Variants in SGCZ observed in about 807,000 individuals in gnomAD.
The protein encoded by SGCZ is zeta-sarcoglycan.
Under a neutral mutation model 41.3 loss-of-function variants are expected in SGCZ, and 40 were observed. The ratio of observed to expected loss-of-function variants is 0.97; its 90% CI spans 0.75 to 1.26. The LOEUF is 1.26. Ranked by LOEUF, SGCZ falls within the 50% of genes most tolerant of loss-of-function variation. The pLI is 0.00. For missense variants in SGCZ, 552 were observed against 369.8 expected, an observed-to-expected ratio of 1.49 and a Z score of -4.04; for synonymous variants, 206 against 137.5, an observed-to-expected ratio of 1.50 and a Z score of -3.49.
At chr8:14,531,982 G>C (rs1236771825) in intron 2 of SGCZ, among the ~76,000 whole-genome samples, 1 of 151,996 alleles carries the variant, frequency 6.6e-6, no homozygotes, top group African/African-American at 2.4e-5. Flanking sequence ...AATTAAAACA[G>C]CTAATTTTGT....
chr8:14,302,014 C>T (rs144599544), intron 3 of SGCZ, among the ~76,000 whole-genome samples: 33 of 152,262 alleles, frequency 2.2e-4, no homozygotes, highest in African/African-American at 7.0e-4. Flanking sequence ...AACTTCTTTA[C>T]ACTGATTTAC....
chr8:15,212,221 G>A (rs920448189), intron 1 of SGCZ, among the ~76,000 whole-genome samples: 1 of 152,050 alleles, frequency 6.6e-6, no homozygotes, highest in Non-Finnish European at 1.5e-5. Flanking sequence ...TTCTTAATTT[G>A]AGTTGTTCTT....
At chr8:14,378,246 A>G (rs1804213580) in intron 2 of SGCZ, among the ~76,000 whole-genome samples, 1 of 151,418 alleles carries the variant, frequency 6.6e-6, no homozygotes, top group African/African-American at 2.4e-5. Context: ...ATGGTATCTC[A>G]TTGTGGTTTT....
chr8:15,003,029 T>TCC (rs1306591985), intron 1 of SGCZ, among the ~76,000 whole-genome samples: 1 of 152,106 alleles, frequency 6.6e-6, no homozygotes, highest in African/African-American at 2.4e-5. Flanking sequence ...GTAACTTTGC[T>TCC]CCTCCTTCAC....
At chr8:14,394,260 C>T (rs1804900209) in intron 2 of SGCZ, among the ~76,000 whole-genome samples, 1 of 150,696 alleles carries the variant, frequency 6.6e-6, no homozygotes, top group Non-Finnish European at 1.5e-5. Flanking sequence ...AAGTGATTCT[C>T]CTGCCTCAGC....
chr8:14,947,591 C>T (rs111863891), intron 1 of SGCZ, among the ~76,000 whole-genome samples: 8 of 152,106 alleles, frequency 5.3e-5, no homozygotes, highest in African/African-American at 1.2e-4. Flanking sequence ...TGTATACTTC[C>T]GTTAGTAAAG....
chr8:14,726,474 T>A (rs1810060993), intron 1 of SGCZ, among the ~76,000 whole-genome samples: 1 of 151,422 alleles, frequency 6.6e-6, no homozygotes, highest in African/African-American at 2.4e-5. Context: ...AAGCTGTTTA[T>A]ATATATTTCA....
Position 15,215,764 on chromosome 8 carries a change from G to C in SGCZ, c.39+21821C>G, listed in dbSNP as rs142858408. ...CTCTGGAATAGTAATAAACCTCTAAGAGTTACAATTAAAGTCCTATATGTT... is the reference window on the plus strand; with the variant it reads ...CTCTGGAATAGTAATAAACCTCTAACAGTTACAATTAAAGTCCTATATGTT... On this transcript the variant is annotated intron_variant, in intron 1 of 7. Transcript: ENST00000382080. 2.1e-3 allele frequency among the ~76,000 whole-genome samples: 316 copies of C among 152,290 alleles called. 2 individuals carry two copies. Among genetic ancestry groups the C allele is most frequent in the Admixed American group, 0.018 (278 of 15,286 alleles).
chr8:14,107,084 C>G (rs1214334995), intron 6 of SGCZ, among the ~76,000 whole-genome samples: 2 of 151,882 alleles, frequency 1.3e-5, no homozygotes, highest in African/African-American at 4.8e-5. Flanking sequence ...GGCACAATGG[C>G]GGGCGCCTGT....
intron 4 of SGCZ, among the ~76,000 whole-genome samples, chr8:14,169,787 C>G (rs558194137): frequency 6.6e-6 from 1 of 152,174 alleles, no homozygotes; most frequent in Non-Finnish European, 1.5e-5. Context: ...TTTTGTAAGA[C>G]TATAGGTACC....
intron 3 of SGCZ, among the ~76,000 whole-genome samples, chr8:14,318,210 G>A (rs1440688945): frequency 6.6e-6 from 1 of 151,634 alleles, no homozygotes; most frequent in African/African-American, 2.4e-5. Flanking sequence ...GGGAAAGGGG[G>A]GAAGAGAAAA....
At chr8:14,531,714 A>G (rs1803138925) in intron 2 of SGCZ, among the ~76,000 whole-genome samples, 1 of 152,054 alleles carries the variant, frequency 6.6e-6, no homozygotes, top group South Asian at 2.1e-4. Context: ...TCAAACCTAA[A>G]TGCTGTCTCC....
At chr8:14,451,312 T>C (rs766610396) in intron 2 of SGCZ, among the ~76,000 whole-genome samples, 4 of 152,212 alleles carry the variant, frequency 2.6e-5, no homozygotes, top group Non-Finnish European at 5.9e-5. Context: ...GGTTCAGTGA[T>C]CTTAGAATAG....
intron 1 of SGCZ, among the ~76,000 whole-genome samples, chr8:15,133,491 A>G (rs751989059): frequency 6.6e-6 from 1 of 152,078 alleles, no homozygotes; most frequent in Non-Finnish European, 1.5e-5. Context: ...GACTCTCGTT[A>G]TCTTCCCTGC....
At chr8:14,097,818 C>G (rs1181053502) in intron 7 of SGCZ, among the ~76,000 whole-genome samples, 1 of 152,056 alleles carries the variant, frequency 6.6e-6, no homozygotes, top group Admixed American at 6.6e-5. Context: ...CTTCTTGTTT[C>G]ATTAATCTCT....
chr8:14,252,443 A>T (rs546393287), intron 3 of SGCZ, among the ~76,000 whole-genome samples: 4 of 152,140 alleles, frequency 2.6e-5, no homozygotes, highest in African/African-American at 9.7e-5. Flanking sequence ...TGAAAATTTC[A>T]ATTACTGAAG....
chr8:15,072,254 C>T (rs1805381774), intron 1 of SGCZ, among the ~76,000 whole-genome samples: 1 of 152,088 alleles, frequency 6.6e-6, no homozygotes, highest in African/African-American at 2.4e-5. Context: ...AGGTACAAAA[C>T]TCCTTCATGC....
At chr8:15,097,352 G>C (rs1806386782) in intron 1 of SGCZ, among the ~76,000 whole-genome samples, 1 of 152,064 alleles carries the variant, frequency 6.6e-6, no homozygotes, top group African/African-American at 2.4e-5. Flanking sequence ...AGTAGCTTGA[G>C]CATAAAAACA....
intron 1 of SGCZ, chr8:14,853,365 C>G (rs1803411172): frequency 4.2e-6 from 2 of 474,574 alleles, no homozygotes; most frequent in South Asian, 1.5e-5. Flanking sequence ...CTCCAGTCCA[C>G]CAAATGCAGT....
Sources: allele counts gnomAD v4.1 joint callset (sites outside exome capture counted in the v4.1 genomes callset), GRCh38; gene constraint gnomAD v4.1.1; transcripts MANE v1.5; gene names NCBI Gene and HGNC (gene_info 2026-07-23, HGNC 2026-07-21).